NDUFA8: variants seen among roughly 807,000 people sequenced by gnomAD.
NDUFA8 encodes the protein NADH:ubiquinone oxidoreductase subunit A8, also known as NADH dehydrogenase [ubiquinone] 1 alpha subcomplex subunit 8.
Under a neutral mutation model 20.9 loss-of-function variants are expected in NDUFA8, and 16 were observed. That is an observed-to-expected ratio of 0.77 (90% CI 0.52 to 1.16). The LOEUF is 1.16. Among genes scored for constraint, NDUFA8 ranks in the 50% most tolerant of loss-of-function variants. NDUFA8 has a pLI of 0.00. For missense variants in NDUFA8, 202 were observed against 216.4 expected (o/e 0.93, Z 0.42); for synonymous variants, 70 against 76.1 (o/e 0.92, Z 0.41).
intron 2 of NDUFA8, among the ~76,000 whole-genome samples, chr9:122,149,470 C>T (rs1356809755): frequency 6.6e-6 from 1 of 152,240 alleles, no homozygotes; most frequent in Non-Finnish European, 1.5e-5. Context: ...ACTCTAGTAG[C>T]ATGGATCCCT....
intron 2 of NDUFA8, 55 bp downstream of exon 2, chr9:122,152,190 T>C (rs1829010010): frequency 4.4e-6 from 7 of 1,597,004 alleles, no homozygotes; most frequent in East Asian, 2.2e-5. Context: ...TGTTCACTTA[T>C]TCATTTAAAC....
At chr9:122,138,204 C>T in the NDUFA8 span, among the ~76,000 whole-genome samples, 1 of 152,224 alleles carries the variant, frequency 6.6e-6, no homozygotes, top group East Asian at 1.9e-4. Context: ...TTGATTAAAA[C>T]AAGGCTTCCA....
At chr9:122,153,397 A>G (rs2118712921) in intron 1 of NDUFA8, among the ~76,000 whole-genome samples, 1 of 152,314 alleles carries the variant, frequency 6.6e-6, no homozygotes, top group Admixed American at 6.5e-5. Flanking sequence ...GTAATAGTCC[A>G]TCTAGTAATA....
rs1829157574 is a variant in NDUFA8 at position 122,159,766 on chromosome 9, C to A, written c.-89G>T. The A allele has an allele frequency of 6.3e-7, 1 of 1,588,640 alleles. No individual in the cohort carries two copies. On this transcript the variant is annotated 5_prime_UTR_variant, in exon 1 of 4. Coordinates refer to ENST00000373768, the MANE Select transcript of NDUFA8 (RefSeq NM_014222.3). ...CCCCTTTCGACCGCCGAGTGCCACACGGCGCCTGCGCATGCGCATCCGGCA... is the reference window on the plus strand; with the variant it reads ...CCCCTTTCGACCGCCGAGTGCCACAAGGCGCCTGCGCATGCGCATCCGGCA...
At chr9:122,150,411 A>C (rs1167975449) in intron 2 of NDUFA8, among the ~76,000 whole-genome samples, 1 of 96,924 alleles carries the variant, frequency 1.0e-5, no homozygotes, top group Non-Finnish European at 1.9e-5. Flanking sequence ...ACCCCATCAC[A>C]AAAAAAAAAA....
chr9:122,157,665 G>C (rs1829094580), intron 1 of NDUFA8, among the ~76,000 whole-genome samples: 1 of 137,700 alleles, frequency 7.3e-6, no homozygotes, highest in South Asian at 2.3e-4. Flanking sequence ...TACATGGGGT[G>C]GGGGCAGGGG....
At chr9:122,159,229 T>C (rs941775786) in intron 1 of NDUFA8, among the ~76,000 whole-genome samples, 3 of 152,180 alleles carry the variant, frequency 2.0e-5, no homozygotes, top group Non-Finnish European at 4.4e-5. Context: ...GTGATACCAC[T>C]TTAAGGTAGA....
Position 122,152,386 on chromosome 9 carries a change from A to C in NDUFA8, c.74T>G (p.Leu25Arg). The change falls in exon 2 of 4, where the codon CTT becomes CGT. Residue 25 changes from leucine to arginine, a missense_variant. By Grantham distance (102) the Leu-to-Arg change is moderately radical. Coordinates refer to ENST00000373768, the MANE Select transcript of NDUFA8 (RefSeq NM_014222.3). The stretch of plus-strand genomic sequence containing the variant: ...TCCATAGTGATGGGCCGCAGCTTTA[A>C]GCACAGCAGAACTAATTTTCACCTA... ...VDEVKISSAVLKAAAHHYGAQ... is the reference protein window; with the variant it reads ...VDEVKISSAVRKAAAHHYGAQ... The C allele has an allele frequency of 6.2e-7, 1 of 1,614,166 alleles. No individual in the cohort carries two copies. The highest frequency in any genetic ancestry group is 2.2e-5 in the East Asian group (1 of 44,874).
In NDUFA8 at chr9:122,147,544, C is replaced by T. The variant is rs547786756; in HGVS notation, c.381+568G>A. Among the ~76,000 whole-genome samples the T allele has an allele frequency of 2.0e-5, 3 of 152,074 alleles. No individual in the cohort carries two copies. The South Asian group carries it at 6.2e-4, about 32-fold the overall frequency. ...AGTGTTTCACTAATACTTTATCTTT[C>T]TCTACTCCCTTCTGTTCTTTAATTA... On this transcript the variant is annotated intron_variant, in intron 3 of 3. Coordinates refer to ENST00000373768, the MANE Select transcript of NDUFA8 (RefSeq NM_014222.3).
intron 1 of NDUFA8, among the ~76,000 whole-genome samples, chr9:122,158,139 C>G (rs1253594564): frequency 6.6e-6 from 1 of 152,070 alleles, no homozygotes; most frequent in African/African-American, 2.4e-5. Flanking sequence ...GGCAACAGAG[C>G]GAGACTCTCA....
At chr9:122,153,370 A>G (rs1829033281) in intron 1 of NDUFA8, among the ~76,000 whole-genome samples, 1 of 75,038 alleles carries the variant, frequency 1.3e-5, no homozygotes, top group Non-Finnish European at 3.0e-5. Flanking sequence ...GATCACAAAG[A>G]GCATCTAGTC....
chr9:122,154,823 A>G (rs893331681), intron 1 of NDUFA8, among the ~76,000 whole-genome samples: 1 of 152,234 alleles, frequency 6.6e-6, no homozygotes, highest in East Asian at 1.9e-4. Context: ...TTCCTTGTTA[A>G]GAAAGCTTCT....
chr9:122,132,600 A>G, the NDUFA8 span, among the ~76,000 whole-genome samples: 4 of 151,686 alleles, frequency 2.6e-5, no homozygotes, highest in Admixed American at 2.6e-4. Context: ...TCCAATCCTG[A>G]CTGGCTGTGT....
chr9:122,143,827 A>G (rs1263966601), downstream of NDUFA8, among the ~76,000 whole-genome samples: 1 of 152,110 alleles, frequency 6.6e-6, no homozygotes, highest in African/African-American at 2.4e-5. Context: ...AAGGAAAGAG[A>G]GCTGAGACTT....
downstream of NDUFA8, among the ~76,000 whole-genome samples, chr9:122,142,359 T>C (rs1828834988): frequency 6.6e-6 from 1 of 152,232 alleles, no homozygotes; most frequent in African/African-American, 2.4e-5. Flanking sequence ...TATGTCGTTC[T>C]ACACCTTGGC....
chr9:122,157,920 G>A (rs1207691089), intron 1 of NDUFA8, among the ~76,000 whole-genome samples: 1 of 152,164 alleles, frequency 6.6e-6, no homozygotes, highest in African/African-American at 2.4e-5. Flanking sequence ...TTGGGAGGCC[G>A]AGGCAGGCAG....
At chr9:122,132,836 C>A in the NDUFA8 span, 3 of 436,120 alleles carry the variant, frequency 6.9e-6, no homozygotes, top group South Asian at 1.6e-5. Context: ...ACAGATGGGC[C>A]TGGCTTCACG....
chr9:122,148,637 G>C (rs1368605345), intron 2 of NDUFA8, among the ~76,000 whole-genome samples: 1 of 152,000 alleles, frequency 6.6e-6, no homozygotes, highest in Non-Finnish European at 1.5e-5. Flanking sequence ...AAGAGGAGGA[G>C]GCATAATTAA....
chr9:122,152,570 T>TG (rs1829020349), intron 1 of NDUFA8, among the ~76,000 whole-genome samples, 162 bp from the exon 2 acceptor site: 6 of 151,620 alleles, frequency 4.0e-5, no homozygotes, highest in African/African-American at 1.2e-4. Flanking sequence ...TTTTTTTTTT[T>TG]TTGAGACAGG....
Sources: gnomAD v4.1 joint callset for allele counts (sites outside exome capture counted in the v4.1 genomes callset) on GRCh38, gnomAD v4.1.1 for gene constraint, MANE v1.5 for transcripts, NCBI Gene and HGNC (gene_info 2026-07-23, HGNC 2026-07-21) for gene names.